Variants in LARP4 observed in about 807,000 individuals in gnomAD.
LARP4 encodes the protein La ribonucleoprotein 4.
Under a neutral mutation model 92.9 loss-of-function variants are expected in LARP4, and 29 were observed. The ratio of observed to expected loss-of-function variants is 0.31; its 90% CI spans 0.23 to 0.43. LARP4 has a LOEUF of 0.43. Among genes scored for constraint, LARP4 ranks in the 20% least tolerant of loss-of-function variants. The pLI, the probability that LARP4 is intolerant of heterozygous loss-of-function variation, is 1.00. For synonymous variants in LARP4, 279 were observed against 284.1 expected, an observed-to-expected ratio of 0.98 and a Z score of 0.18; for missense variants, 732 against 860.0, an observed-to-expected ratio of 0.85 and a Z score of 1.86.
In LARP4 at chr12:50,420,947, C is replaced by CTTTTTTTTTTTTTTTTTTTT. The variant is rs71083567; in HGVS notation, c.19-6798_19-6797insTTTTTTTTTTTTTTTTTTTT. The CTTTTTTTTTTTTTTTTTTTT allele has an allele frequency of 3.7e-4, 41 of 111,436 alleles. 3 individuals are homozygous for CTTTTTTTTTTTTTTTTTTTT. Among genetic ancestry groups the CTTTTTTTTTTTTTTTTTTTT allele is most frequent in the African/African-American group, 1.4e-3 (40 of 29,154 alleles). The allele number at this position is 111,436 out of a possible 1,614,324, so 6.9% of individuals were successfully genotyped here. ...ATTTGAAGGTACAGAATAACCTTTGCTTTTTTTTTTTTTTTTTGGAGAGAT... is the reference window on the plus strand; with the variant it reads ...ATTTGAAGGTACAGAATAACCTTTGCTTTTTTTTTTTTTTTTTTTTTTTTTTTTTTTTTTTTTGGAGAGAT... On this transcript the variant is annotated intron_variant, in intron 1 of 15. Coordinates refer to ENST00000398473, the MANE Select transcript of LARP4 (RefSeq NM_052879.5).
intron 13 of LARP4, among the ~76,000 whole-genome samples, chr12:50,469,953 C>T (rs916994235): frequency 2.0e-5 from 3 of 151,698 alleles, no homozygotes; most frequent in Non-Finnish European, 2.9e-5. Flanking sequence ...GGCACATTGG[C>T]TCATACCTGT....
At chr12:50,443,361 C>T (rs1365296959) in intron 8 of LARP4, among the ~76,000 whole-genome samples, 1 of 152,124 alleles carries the variant, frequency 6.6e-6, no homozygotes, top group East Asian at 1.9e-4. Context: ...GCCTCGACCT[C>T]TCAGGCTCAA....
At chr12:50,409,808 A>T (rs7301142) in intron 1 of LARP4, among the ~76,000 whole-genome samples, 103,852 of 149,866 alleles carry the variant, frequency 0.69, 42,545 homozygotes, top group Non-Finnish European at 0.93. Context: ...TATTATTATT[A>T]TTTTTTTAAG....
Position 50,462,601 on chromosome 12 carries a change from CGAA to C in LARP4, c.1357_1359del (p.Arg455del). On this transcript the variant is annotated inframe_deletion, in exon 12 of 16. Transcript: ENST00000398473. ...TAAAAGGAGAACTCTCTTCAGAGGT[CGAA>C]GACGACGAGAAGATGACAGGATCTC... 1 of 1,296,488 alleles carries C rather than the reference CGAA, an allele frequency of 7.7e-7. No individual in the cohort carries two copies. The highest frequency in any genetic ancestry group is 1.0e-6 in the Non-Finnish European group (1 of 979,300). 80.3% of individuals were successfully genotyped at this position (1,296,488 alleles called of 1,614,324 possible). A position where few individuals can be genotyped will look rare whatever the true frequency, so the allele number is the denominator to read the frequency against.
intron 1 of LARP4, among the ~76,000 whole-genome samples, chr12:50,402,230 G>T (rs1468146549): frequency 6.6e-6 from 1 of 151,676 alleles, no homozygotes; most frequent in African/African-American, 2.4e-5. Context: ...ATATTGTGTC[G>T]CCGATAAGCT....
At chr12:50,439,254 C>T (rs774702029) in intron 6 of LARP4, among the ~76,000 whole-genome samples, 3 of 152,006 alleles carry the variant, frequency 2.0e-5, no homozygotes, top group Admixed American at 6.6e-5. Flanking sequence ...ATCATTTTTG[C>T]GGTTATTACA....
intron 5 of LARP4, among the ~76,000 whole-genome samples, chr12:50,436,846 C>T (rs887004609): frequency 1.3e-5 from 2 of 151,990 alleles, no homozygotes; most frequent in African/African-American, 4.8e-5. Flanking sequence ...GGATTACAAA[C>T]ATTTATGGAA....
chr12:50,416,163 A>G (rs1946752532), intron 1 of LARP4, among the ~76,000 whole-genome samples: 1 of 152,200 alleles, frequency 6.6e-6, no homozygotes, highest in African/African-American at 2.4e-5. Flanking sequence ...TGGAGGTAAT[A>G]GTTGCAGATT....
At chr12:50,469,601 CAAAAAAAA>C (rs757844912) in intron 13 of LARP4, among the ~76,000 whole-genome samples, 2 of 65,576 alleles carry the variant, frequency 3.0e-5, no homozygotes, top group Non-Finnish European at 5.2e-5. Flanking sequence ...GAGACTCTAT[CAAAAAAAA>C]AAAAAAAAAA....
intron 1 of LARP4, among the ~76,000 whole-genome samples, chr12:50,404,839 G>A (rs765875638): frequency 4.7e-4 from 71 of 151,868 alleles, no homozygotes; most frequent in Non-Finnish European, 7.6e-4. Context: ...GTAGGCGCAT[G>A]CCACCACGCC....
intron 2 of LARP4, 125 bp from the exon 3 acceptor site, chr12:50,428,810 A>G: frequency 3.0e-6 from 2 of 666,046 alleles, no homozygotes; most frequent in Non-Finnish European, 4.9e-6. Flanking sequence ...GCTTAAAACC[A>G]TGCGGACATA....
intron 1 of LARP4, among the ~76,000 whole-genome samples, chr12:50,415,455 C>G (rs1946601328): frequency 6.6e-6 from 1 of 151,868 alleles, no homozygotes; most frequent in Non-Finnish European, 1.5e-5. Flanking sequence ...ATAGCGTACC[C>G]CATCAGGAGA....
chr12:50,441,322 T>A, intron 7 of LARP4: 1 of 277,610 alleles, frequency 3.6e-6, no homozygotes, highest in South Asian at 1.3e-4. Flanking sequence ...TGATCATTTT[T>A]AAATTGGTTT....
chr12:50,461,186 C>T lies in LARP4; in HGVS notation c.1173C>T (p.Gly391=). ...GTGGTTCAGAACACTCAACAGAGGG[C>T]TCTGTATCCTTGGGGGATGGACAGT... The part of the protein sequence containing the change: ...SSGGSEHSTE[G]SVSLGDGQLN... Residue 391 remains glycine (G), a synonymous_variant, in exon 11 of 16, where the codon GGC becomes GGT. Coordinates refer to ENST00000398473, the MANE Select transcript of LARP4 (RefSeq NM_052879.5). 1 of 1,614,114 alleles carries T rather than the reference C, an allele frequency of 6.2e-7. No individual in the cohort carries two copies. The highest frequency in any genetic ancestry group is 1.1e-5 in the South Asian group (1 of 91,086).
At chr12:50,438,167 G>C (rs1377959868) in intron 6 of LARP4, among the ~76,000 whole-genome samples, 2 of 152,172 alleles carry the variant, frequency 1.3e-5, no homozygotes, top group Non-Finnish European at 2.9e-5. Context: ...GAATTCATCT[G>C]TAAGAATGAA....
chr12:50,415,235 G>T (rs533799515), intron 1 of LARP4, among the ~76,000 whole-genome samples: 3 of 152,144 alleles, frequency 2.0e-5, no homozygotes, highest in African/African-American at 7.2e-5. Flanking sequence ...AAAATAAAAT[G>T]TATAGTCTTA....
chr12:50,446,685 C>CT lies in LARP4; in HGVS notation c.804+5042_804+5043insT, dbSNP rs201544984. ...CTTGTGATCCGCCCGCCTCAGCCCC[C>CT]CAAAGTACTGGGATTGGAGGCGTGA... On this transcript the variant is annotated intron_variant, in intron 8 of 15. Coordinates refer to ENST00000398473, the MANE Select transcript of LARP4 (RefSeq NM_052879.5). Among the ~76,000 whole-genome samples the CT allele has an allele frequency of 8.1e-3, 1,222 of 151,644 alleles. 17 individuals carry two copies. Among genetic ancestry groups the CT allele is most frequent in the African/African-American group, 0.027 (1,100 of 41,344 alleles).
At chr12:50,464,977 A>G (rs1955950997) in intron 12 of LARP4, among the ~76,000 whole-genome samples, 1 of 151,626 alleles carries the variant, frequency 6.6e-6, no homozygotes, top group African/African-American at 2.4e-5. Flanking sequence ...GGCATGAGCC[A>G]CTGCACTCAG....
At chr12:50,471,774 C>T (rs1281923021) in intron 13 of LARP4, among the ~76,000 whole-genome samples, 2 of 152,174 alleles carry the variant, frequency 1.3e-5, no homozygotes, top group South Asian at 2.1e-4. Flanking sequence ...CCACCCACCT[C>T]GGCCTCCCAA....
Sources: gnomAD v4.1 joint callset for allele counts (sites outside exome capture counted in the v4.1 genomes callset) on GRCh38, gnomAD v4.1.1 for gene constraint, MANE v1.5 for transcripts, NCBI Gene and HGNC (gene_info 2026-07-23, HGNC 2026-07-21) for gene names.